Variants in SAMD4A observed in about 807,000 individuals in gnomAD.
The protein encoded by SAMD4A is sterile alpha motif domain containing 4A, also known as protein Smaug homolog 1.
A neutral mutation model predicts 81.3 loss-of-function variants in SAMD4A; 33 were observed. The ratio of observed to expected loss-of-function variants is 0.41; its 90% CI spans 0.31 to 0.54. SAMD4A has a LOEUF of 0.54. Ranked by LOEUF, SAMD4A falls within the 20% of genes least tolerant of loss-of-function variation. SAMD4A has a pLI of 0.37. For missense variants in SAMD4A, 854 were observed against 951.1 expected, an observed-to-expected ratio of 0.90 and a Z score of 1.34; for synonymous variants, 389 against 382.1, an observed-to-expected ratio of 1.02 and a Z score of -0.21.
At chr14:54,771,890 G>A (rs966407710) in intron 9 of SAMD4A, among the ~76,000 whole-genome samples, 3 of 152,176 alleles carry the variant, frequency 2.0e-5, no homozygotes, top group African/African-American at 7.2e-5. Flanking sequence ...GGTGGAGCAG[G>A]GGACATGAAC....
intron 5 of SAMD4A, among the ~76,000 whole-genome samples, chr14:54,749,490 T>A (rs988948535): frequency 1.3e-5 from 2 of 152,182 alleles, no homozygotes; most frequent in African/African-American, 2.4e-5. Flanking sequence ...GAGATTGGAG[T>A]AAATTATACA....
intron 4 of SAMD4A, among the ~76,000 whole-genome samples, chr14:54,742,715 T>C (rs1026246992): frequency 6.6e-6 from 1 of 152,240 alleles, no homozygotes; most frequent in African/African-American, 2.4e-5. Flanking sequence ...AGTATGCTTA[T>C]GATGTTTGGC....
chr14:54,761,899 C>T (rs550276579), intron 7 of SAMD4A, among the ~76,000 whole-genome samples: 3 of 152,198 alleles, frequency 2.0e-5, no homozygotes, highest in Non-Finnish European at 4.4e-5. Flanking sequence ...ATTGTGATTG[C>T]CTGTTTGCTT....
chr14:54,786,874 G>A (rs2039154454), intron 12 of SAMD4A, among the ~76,000 whole-genome samples: 1 of 152,142 alleles, frequency 6.6e-6, no homozygotes, highest in South Asian at 2.1e-4. Context: ...TTTTCATCTT[G>A]TTAATCTCCT....
chr14:54,742,536 A>T (rs879708732), intron 4 of SAMD4A, among the ~76,000 whole-genome samples: 2 of 152,110 alleles, frequency 1.3e-5, no homozygotes, highest in Non-Finnish European at 2.9e-5. Context: ...CATCTGAGGG[A>T]CTTCATTCCA....
intron 3 of SAMD4A, among the ~76,000 whole-genome samples, chr14:54,712,543 C>T (rs755268086): frequency 6.6e-6 from 1 of 152,142 alleles, no homozygotes; most frequent in Non-Finnish European, 1.5e-5. Context: ...TCAGAGGACT[C>T]GATGTTGCCA....
intron 2 of SAMD4A, among the ~76,000 whole-genome samples, chr14:54,574,030 G>T (rs935279615): frequency 6.6e-6 from 1 of 152,192 alleles, no homozygotes; most frequent in African/African-American, 2.4e-5. Flanking sequence ...TTACACAGTA[G>T]ATAATACAGT....
intron 2 of SAMD4A, among the ~76,000 whole-genome samples, chr14:54,577,964 G>A (rs1206523726): frequency 6.6e-6 from 1 of 152,204 alleles, no homozygotes; most frequent in Non-Finnish European, 1.5e-5. Context: ...GATTAGGGCT[G>A]CCCAAACAAT....
chr14:54,569,439 T>C (rs537610943), intron 2 of SAMD4A, among the ~76,000 whole-genome samples: 1 of 152,154 alleles, frequency 6.6e-6, no homozygotes, highest in African/African-American at 2.4e-5. Flanking sequence ...ACCCGAAAGA[T>C]CCTGCATGGC....
intron 2 of SAMD4A, among the ~76,000 whole-genome samples, chr14:54,666,256 A>G (rs2035754402): frequency 6.6e-6 from 1 of 152,216 alleles, no homozygotes; most frequent in Admixed American, 6.5e-5. Flanking sequence ...GCAAAGCTAC[A>G]TGGATTTAAA....
At chr14:54,778,830 A>G (rs763680661) in intron 11 of SAMD4A, among the ~76,000 whole-genome samples, 1 of 152,172 alleles carries the variant, frequency 6.6e-6, no homozygotes, top group Non-Finnish European at 1.5e-5. Context: ...CAGGACATGC[A>G]TAAAGGGCAT....
intron 11 of SAMD4A, among the ~76,000 whole-genome samples, chr14:54,782,512 A>G (rs971256): frequency 0.44 from 67,041 of 152,022 alleles, 16,290 homozygotes; most frequent in East Asian, 0.59. Flanking sequence ...TCTAACAGCA[A>G]CTAGTGGGTG....
chr14:54,579,473 A>G (rs968227202), intron 2 of SAMD4A, among the ~76,000 whole-genome samples: 2 of 152,252 alleles, frequency 1.3e-5, no homozygotes, highest in African/African-American at 4.8e-5. Flanking sequence ...TCTTAGGTAA[A>G]TGAAAATGTT....
chr14:54,568,756 A>C (rs2033040944), intron 2 of SAMD4A, among the ~76,000 whole-genome samples: 1 of 127,718 alleles, frequency 7.8e-6, no homozygotes. Flanking sequence ...GGTTAAGCTT[A>C]CTGCTCGTGA....
In SAMD4A at chr14:54,685,552, A is replaced by G. The variant is rs377062914; in HGVS notation, c.197-16510A>G. On this transcript the variant is annotated intron_variant, in intron 2 of 12. Coordinates refer to ENST00000554335, the MANE Select transcript of SAMD4A (RefSeq NM_015589.6). ...CACCTTATGACTTGTGAATAATGCT[A>G]CTGTGAACATTGGTACGCTAGTACT... The G allele has an allele frequency of 9.3e-5, 36 of 388,822 alleles. 1 individual carries two copies. Among genetic ancestry groups the G allele is most frequent in the East Asian group, 8.7e-4 (12 of 13,778 alleles). 24.1% of individuals were successfully genotyped at this position (388,822 alleles called of 1,614,324 possible). A position where few individuals can be genotyped will look rare whatever the true frequency, so the allele number is the denominator to read the frequency against.
chr14:54,671,603 G>A (rs1448787146), intron 2 of SAMD4A, among the ~76,000 whole-genome samples: 1 of 152,184 alleles, frequency 6.6e-6, no homozygotes, highest in African/African-American at 2.4e-5. Context: ...GGTGCAGAGG[G>A]CAGCTTGGGA....
intron 5 of SAMD4A, among the ~76,000 whole-genome samples, chr14:54,749,627 C>T (rs184151363): frequency 1.3e-4 from 20 of 152,290 alleles, no homozygotes; most frequent in East Asian, 3.9e-4. Context: ...CATCTTTCCC[C>T]GATGTGGATG....
chr14:54,736,869 C>T (rs143494356), intron 3 of SAMD4A, among the ~76,000 whole-genome samples, 155 bp from the exon 4 acceptor site: 13 of 152,118 alleles, frequency 8.5e-5, no homozygotes, highest in African/African-American at 2.2e-4. Flanking sequence ...CTGAAGAAAA[C>T]GACCATGCCA....
chr14:54,657,169 A>G (rs1594778340), intron 2 of SAMD4A, among the ~76,000 whole-genome samples: 1 of 152,132 alleles, frequency 6.6e-6, no homozygotes, highest in African/African-American at 2.4e-5. Flanking sequence ...ATTACAGTTA[A>G]TATTGGCCAT....
Sources: gnomAD v4.1 joint callset for allele counts (sites outside exome capture counted in the v4.1 genomes callset) on GRCh38, gnomAD v4.1.1 for gene constraint, MANE v1.5 for transcripts, NCBI Gene and HGNC (gene_info 2026-07-23, HGNC 2026-07-21) for gene names.